PCDHA7: variants seen among roughly 807,000 people sequenced by gnomAD.
PCDHA7 encodes the protein protocadherin alpha-7.
A neutral mutation model predicts 57.2 loss-of-function variants in PCDHA7; 37 were observed. The observed-to-expected ratio is 0.65, with a 90% confidence interval of 0.50 to 0.85. The LOEUF (loss-of-function observed/expected upper bound fraction) is 0.85. Among genes scored for constraint, PCDHA7 ranks in the 40% least tolerant of loss-of-function variants. PCDHA7 has a pLI of 0.00. For synonymous variants in PCDHA7, 553 were observed against 558.8 expected, an observed-to-expected ratio of 0.99 and a Z score of 0.15; for missense variants, 1,188 against 1,241.8, an observed-to-expected ratio of 0.96 and a Z score of 0.65.
intron 1 of PCDHA7, chr5:140,850,568 G>T (rs2150489760): frequency 1.3e-6 from 2 of 1,598,448 alleles, no homozygotes; most frequent in South Asian, 2.2e-5. Context: ...GCCCCGAGGT[G>T]ACGCTGGTGG....
At position 140,978,992 on chromosome 5, in the gene PCDHA7, G is replaced by T. The variant is rs1363421000; in HGVS notation, c.2399G>T (p.Arg800Ile). The change falls in exon 2 of 4, where the codon AGA (arginine) becomes ATA (isoleucine). Residue 800 changes from arginine to isoleucine, a missense_variant. Arg to Ile is a moderately conservative substitution (Grantham distance 97). Transcript: ENST00000525929. ...NPDWRYSASL[R>I]AGMHSSVHLE... Reference sequence around the variant, plus strand: ...GACTGGCGTTACTCTGCCTCCCTGAGAGCAGGCATGCACAGGTATGTATTT... The same window carrying T: ...GACTGGCGTTACTCTGCCTCCCTGATAGCAGGCATGCACAGGTATGTATTT... The T allele has an allele frequency of 8.1e-6, 13 of 1,614,060 alleles. No homozygotes were observed. Among genetic ancestry groups the T allele is most frequent in the Non-Finnish European group, 1.1e-5 (13 of 1,180,034 alleles).
chr5:140,928,733 A>G (rs1435823697), intron 1 of PCDHA7: 2 of 1,614,100 alleles, frequency 1.2e-6, no homozygotes, highest in Non-Finnish European at 1.7e-6. Context: ...ATTTCAGCCA[A>G]TATAGGTGAG....
chr5:140,969,106 A>G, intron 1 of PCDHA7: 1 of 1,614,132 alleles, frequency 6.2e-7, no homozygotes, highest in Non-Finnish European at 8.5e-7. Flanking sequence ...ACTTCATTGA[A>G]GTTCGAGGGA....
chr5:141,007,812 G>C (rs1446053616), intron 3 of PCDHA7, among the ~76,000 whole-genome samples: 2 of 152,078 alleles, frequency 1.3e-5, no homozygotes, highest in Non-Finnish European at 2.9e-5. Context: ...CCATTCATTT[G>C]CCTTCCCCCA....
intron 1 of PCDHA7, chr5:140,869,029 A>AT (rs1364344296): frequency 2.6e-6 from 4 of 1,526,350 alleles, no homozygotes; most frequent in Non-Finnish European, 3.5e-6. Flanking sequence ...ATTCAACGAG[A>AT]TTTTTAACCT....
intron 1 of PCDHA7, among the ~76,000 whole-genome samples, chr5:140,940,230 T>C (rs1554213224): frequency 6.6e-6 from 1 of 152,212 alleles, no homozygotes; most frequent in Non-Finnish European, 1.5e-5. Flanking sequence ...TTCATTTTGG[T>C]ACATTAAAGT....
intron 1 of PCDHA7, chr5:140,850,253 C>A: frequency 6.3e-7 from 1 of 1,593,758 alleles, no homozygotes; most frequent in South Asian, 1.1e-5. Flanking sequence ...GGTCGGTGGG[C>A]GCCGGCGTAG....
chr5:140,848,205 T>C (rs1781374439), intron 1 of PCDHA7: 1 of 336,638 alleles, frequency 3.0e-6, no homozygotes, highest in Non-Finnish European at 5.4e-6. Flanking sequence ...CAACAATCAT[T>C]ACTTAAGAAA....
At chr5:140,873,009 T>C (rs1397141967) in intron 1 of PCDHA7, among the ~76,000 whole-genome samples, 1 of 152,224 alleles carries the variant, frequency 6.6e-6, no homozygotes, top group African/African-American at 2.4e-5. Context: ...TCATTCTTCA[T>C]ATTTAGTTAT....
chr5:140,906,889 G>T (rs1397235059), intron 1 of PCDHA7, among the ~76,000 whole-genome samples: 1 of 152,172 alleles, frequency 6.6e-6, no homozygotes, highest in Non-Finnish European at 1.5e-5. Flanking sequence ...TTCCTTCTTA[G>T]ATTGTTGGTT....
chr5:140,888,263 A>G (rs1251792046), intron 1 of PCDHA7, among the ~76,000 whole-genome samples: 1 of 152,136 alleles, frequency 6.6e-6, no homozygotes, highest in East Asian at 1.9e-4. Flanking sequence ...GTTCTTGATA[A>G]GAAACAGTTT....
Position 140,939,111 on chromosome 5 carries a change from T to G in PCDHA7, c.2356-39838T>G, listed in dbSNP as rs141486595. Reference sequence around the variant, plus strand: ...CTTAAAAACAATAGAAATTTATTTTTCACAATTCTGGAAGCTGGAAAGTTG... The same window carrying G: ...CTTAAAAACAATAGAAATTTATTTTGCACAATTCTGGAAGCTGGAAAGTTG... On this transcript the variant is annotated intron_variant, in intron 1 of 3. Coordinates refer to ENST00000525929, the MANE Select transcript of PCDHA7 (RefSeq NM_018910.3). Among the ~76,000 whole-genome samples, 62 of 152,324 alleles carry G rather than the reference T, an allele frequency of 4.1e-4. No homozygotes were observed. The East Asian group carries it at 0.01, about 25-fold the overall frequency.
intron 3 of PCDHA7, among the ~76,000 whole-genome samples, chr5:140,992,293 G>A (rs1043574685): frequency 1.3e-5 from 2 of 152,136 alleles, no homozygotes; most frequent in African/African-American, 2.4e-5. Flanking sequence ...GCAAAGGATG[G>A]GAGTATTGTT....
Position 140,840,931 on chromosome 5 carries a change from G to A in PCDHA7, c.2355+4193G>A, listed in dbSNP as rs2150310219. Among the ~76,000 whole-genome samples the A allele has an allele frequency of 2.6e-5, 4 of 152,056 alleles. No homozygotes were observed. In the South Asian group the frequency reaches 8.3e-4, roughly 32 times the overall value. ...ACTTAAATTTATTATTAATTGATACGATATTTGAAATATTGGGAAGAAATT... is the reference window on the plus strand; with the variant it reads ...ACTTAAATTTATTATTAATTGATACAATATTTGAAATATTGGGAAGAAATT... On this transcript the variant is annotated intron_variant, in intron 1 of 3. Transcript: ENST00000525929.
chr5:140,926,705 G>A (rs1269250825), intron 1 of PCDHA7: 2 of 849,690 alleles, frequency 2.4e-6, no homozygotes, highest in Non-Finnish European at 3.3e-6. Context: ...GCTCCCAGCT[G>A]GCCAGCCCCG....
intron 1 of PCDHA7, chr5:140,871,269 G>A (rs782046462): frequency 1.2e-6 from 2 of 1,613,952 alleles, no homozygotes; most frequent in Non-Finnish European, 8.5e-7. Flanking sequence ...CGCTGTGGTG[G>A]TCGGCAACGC....
At chr5:140,929,690 C>A in intron 1 of PCDHA7, 1 of 278,482 alleles carries the variant, frequency 3.6e-6, no homozygotes, top group Non-Finnish European at 7.0e-6. Flanking sequence ...TAAGAGTCTG[C>A]TTTATATGAA....
intron 1 of PCDHA7, chr5:140,884,652 G>A (rs2060303446): frequency 6.2e-7 from 1 of 1,603,582 alleles, no homozygotes; most frequent in Non-Finnish European, 8.5e-7. Flanking sequence ...GACTCAGAAT[G>A]CTTGAAAGAG....
intron 3 of PCDHA7, chr5:140,988,797 AT>A (rs1481469131): frequency 2.0e-5 from 3 of 152,116 alleles, no homozygotes; most frequent in African/African-American, 7.2e-5. Context: ...TAATAGAAGA[AT>A]TTCTTCCGTA....
Sources: gnomAD v4.1 joint callset for allele counts (sites outside exome capture counted in the v4.1 genomes callset) on GRCh38, gnomAD v4.1.1 for gene constraint, MANE v1.5 for transcripts, NCBI Gene and HGNC (gene_info 2026-07-23, HGNC 2026-07-21) for gene names.